Variants in CYP1A2 observed in about 807,000 individuals in gnomAD.
CYP1A2 encodes the protein cytochrome P450 1A2.
A neutral mutation model predicts 34.7 loss-of-function variants in CYP1A2; 35 were observed. That is an observed-to-expected ratio of 1.01 (90% CI 0.77 to 1.34). The LOEUF (loss-of-function observed/expected upper bound fraction) is 1.34. CYP1A2 is among the 40% of genes most tolerant of loss of function. CYP1A2 has a pLI of 0.00. For missense variants in CYP1A2, 675 were observed against 675.8 expected (o/e 1.00, Z 0.01); for synonymous variants, 288 against 281.9 (o/e 1.02, Z -0.22).
chr15:74,754,733 C>T, intron 6 of CYP1A2, 58 bp from the exon 7 acceptor site: 1 of 1,550,222 alleles, frequency 6.5e-7, no homozygotes, highest in South Asian at 1.2e-5. Flanking sequence ...CTCCCCCAGG[C>T]ACCTCCTCCC....
chr15:74,753,322 G>A (rs1392577114), intron 6 of CYP1A2, 52 bp downstream of exon 6: 38 of 1,459,710 alleles, frequency 2.6e-5, no homozygotes, highest in Non-Finnish European at 3.6e-5. Flanking sequence ...CAGTCAGGAA[G>A]GCTGTTTGTC....
Position 74,755,038 on chromosome 15 carries a change from C to T in CYP1A2, c.1501C>T (p.His501Tyr), listed in dbSNP as rs2063332079. The change falls in exon 7 of 7, where the codon CAC becomes TAC. Residue 501 changes from histidine (H) to tyrosine (Y), a missense_variant. By Grantham distance (83) the His-to-Tyr change is moderately conservative. Coordinates refer to ENST00000343932, the MANE Select transcript of CYP1A2 (RefSeq NM_000761.5). The stretch of plus-strand genomic sequence containing the variant: ...CCCCATCTACGGGCTGACCATGAAG[C>T]ACGCCCGCTGTGAACATGTCCAGGC... ...LTPIYGLTMK[H>Y]ARCEHVQARL... is the part of the protein sequence containing the mutation. 6.2e-6 allele frequency: 10 copies of T among 1,614,064 alleles called. No homozygotes were observed. The East Asian group carries it at 2.2e-4, about 36-fold the overall frequency.
chr15:74,749,595 G>A, intron 1 of CYP1A2, 135 bp from the exon 2 acceptor site: 3 of 712,836 alleles, frequency 4.2e-6, no homozygotes, highest in Non-Finnish European at 6.9e-6. Context: ...ATGGTAGATG[G>A]AGCTTAGTCT....
At chr15:74,751,927 C>T (rs1178936558) in intron 4 of CYP1A2, 73 bp downstream of exon 4, 1 of 1,549,176 alleles carries the variant, frequency 6.5e-7, no homozygotes. Flanking sequence ...TCTACAAACA[C>T]CTGTTATGTG....
chr15:74,749,862 C>T lies in CYP1A2; in HGVS notation c.124C>T (p.Pro42Ser), dbSNP rs756500317. Residue 42 changes from proline (P) to serine (S), a missense_variant, in exon 2 of 7, where the codon CCA becomes TCA. Physicochemically the swap from Pro to Ser is moderately conservative, Grantham distance 74. Transcript: ENST00000343932. ...TCGGGTCCCCAAAGGCCTGAAAAGTCCACCAGAGCCATGGGGCTGGCCCTT... is the reference window on the plus strand; with the variant it reads ...TCGGGTCCCCAAAGGCCTGAAAAGTTCACCAGAGCCATGGGGCTGGCCCTT... ...RPRVPKGLKS[P>S]PEPWGWPLLG... is the part of the protein sequence containing the mutation. The T allele has an allele frequency of 1.9e-6, 3 of 1,607,662 alleles. No homozygotes were observed. Among genetic ancestry groups the T allele is most frequent in the African/African-American group, 1.3e-5 (1 of 74,798 alleles).
At chr15:74,749,414 C>T (rs867605263) in intron 1 of CYP1A2, among the ~76,000 whole-genome samples, 1 of 152,184 alleles carries the variant, frequency 6.6e-6, no homozygotes, top group African/African-American at 2.4e-5. Context: ...GGGTGCTGTC[C>T]TTGGCTTCCC....
At position 74,751,407 on chromosome 15, in the gene CYP1A2, C is replaced by T. The variant is rs45445793; in HGVS notation, c.952+98C>T. On this transcript the variant is annotated intron_variant, in intron 3 of 6. Coordinates refer to ENST00000343932, the MANE Select transcript of CYP1A2 (RefSeq NM_000761.5). The stretch of plus-strand genomic sequence containing the variant: ...TCCATGAAATAACCCACCAACCCTA[C>T]ACCAGATGGTACAACATACTGAGAT... 1.7e-5 allele frequency: 25 copies of T among 1,515,074 alleles called. No homozygotes were observed. In the African/African-American group the frequency reaches 3.4e-4, roughly 21 times the overall value. The allele number at this position is 1,515,074 out of a possible 1,614,324, so 93.9% of individuals were successfully genotyped here. A position where few individuals can be genotyped will look rare whatever the true frequency, so the allele number is the denominator to read the frequency against.
Position 74,753,280 on chromosome 15 carries a change from T to TAC in CYP1A2, c.1253+11_1253+12dup. On this transcript the variant is annotated intron_variant, in intron 6 of 6. Coordinates refer to ENST00000343932, the MANE Select transcript of CYP1A2 (RefSeq NM_000761.5). ...AGGTCAACCATGACCCGTGAGTACA[T>TAC]ACCCCTCACGAAAAAATGTGTGCAG... The TAC allele has an allele frequency of 6.2e-7, 1 of 1,609,260 alleles. No individual in the cohort carries two copies.
intron 6 of CYP1A2, 29 bp from the exon 7 acceptor site, chr15:74,754,762 A>T: frequency 6.3e-7 from 1 of 1,594,908 alleles, no homozygotes; most frequent in South Asian, 1.1e-5. Context: ...TCCAGCCCTG[A>T]GGTCCCATCT....
intron 1 of CYP1A2, 117 bp from the exon 2 acceptor site, chr15:74,749,613 A>C: frequency 2.5e-6 from 2 of 814,218 alleles, no homozygotes; most frequent in African/African-American, 1.7e-5. Context: ...TCTTTCTGGT[A>C]TCCAGCTGGG....
rs964288984 is a variant in CYP1A2, at chr15:74,755,340, G to C, written c.*252G>C. ...GCCAAGAGCCTGAGTGACAGAGCAA[G>C]ACCCCATCTCAAAAAAAAAAACAAA... is the stretch of plus-strand genomic sequence containing the variant. On this transcript the variant is annotated 3_prime_UTR_variant, in exon 7 of 7. Coordinates refer to ENST00000343932, the MANE Select transcript of CYP1A2 (RefSeq NM_000761.5). 1.0e-5 allele frequency: 3 copies of C among 296,078 alleles called. No individual in the cohort carries two copies. The highest frequency in any genetic ancestry group is 2.5e-5 in the African/African-American group (1 of 40,156). 18.3% of individuals were successfully genotyped at this position (296,078 alleles called of 1,614,324 possible).
Position 74,755,275 on chromosome 15 carries a change from G to A in CYP1A2, c.*187G>A. 2.9e-6 allele frequency: 2 copies of A among 681,432 alleles called. No individual in the cohort carries two copies. The highest frequency in any genetic ancestry group is 4.7e-6 in the Non-Finnish European group (2 of 428,628). The allele number at this position is 681,432 out of a possible 1,614,324, so 42.2% of individuals were successfully genotyped here. On this transcript the variant is annotated 3_prime_UTR_variant, in exon 7 of 7. Coordinates refer to ENST00000343932, the MANE Select transcript of CYP1A2 (RefSeq NM_000761.5). ...AGCCCAGGAATTGGAAAGCAGCCTG[G>A]CCAACATAGTGGGACCCTGTCTCTA...
rs1204396785 is a variant in CYP1A2, at chr15:74,754,845, T to C, written c.1308T>C (p.Asp436=). ...GGCCTGAGCGGTTCCTCACCGCCGA[T>C]GGCACTGCCATTAACAAGCCCTTGA... ...EFRPERFLTA[D]GTAINKPLSE... is the part of the protein sequence containing the mutation. The change falls in exon 7 of 7, where the codon GAT becomes GAC. Residue 436 remains aspartate, a synonymous_variant. Transcript: ENST00000343932. 2 of 1,614,096 alleles carry C rather than the reference T, an allele frequency of 1.2e-6. No individual in the cohort carries two copies. Among genetic ancestry groups the C allele is most frequent in the Non-Finnish European group, 1.7e-6 (2 of 1,180,040 alleles).
rs1414676806 is a variant in CYP1A2 at position 74,751,070 on chromosome 15, G to A, written c.832-119G>A. ...TGCAAGCTGCAACCCCCTGCCTAGA[G>A]ACCAAGTTGGGAGGATAGGGGGGTA... On this transcript the variant is annotated intron_variant, in intron 2 of 6. Coordinates refer to ENST00000343932, the MANE Select transcript of CYP1A2 (RefSeq NM_000761.5). The A allele has an allele frequency of 2.1e-6, 3 of 1,410,710 alleles. No homozygotes were observed. In the African/African-American group the frequency reaches 4.3e-5, roughly 20 times the overall value. The allele number at this position is 1,410,710 out of a possible 1,614,324, so 87.4% of individuals were successfully genotyped here. A position where few individuals can be genotyped will look rare whatever the true frequency, so the allele number is the denominator to read the frequency against.
In CYP1A2 at chr15:74,751,914, C is replaced by A; in HGVS notation, c.1042+60C>A. The A allele has an allele frequency of 2.5e-6, 4 of 1,575,750 alleles. No homozygotes were observed. In the South Asian group the frequency reaches 4.5e-5, roughly 18 times the overall value. ...AGCCTTGAGACCCAGGTTGTTTGTTCAGTCTACAAACACCTGTTATGTGCC... is the reference window on the plus strand; with the variant it reads ...AGCCTTGAGACCCAGGTTGTTTGTTAAGTCTACAAACACCTGTTATGTGCC... On this transcript the variant is annotated intron_variant, in intron 4 of 6. Coordinates refer to ENST00000343932, the MANE Select transcript of CYP1A2 (RefSeq NM_000761.5).
chr15:74,754,581 A>T (rs1033298188), intron 6 of CYP1A2, among the ~76,000 whole-genome samples: 4 of 151,228 alleles, frequency 2.6e-5, no homozygotes, highest in African/African-American at 9.7e-5. Flanking sequence ...AGCCTGGGTG[A>T]TAGGAGCCGG....
intron 3 of CYP1A2, 139 bp downstream of exon 3, chr15:74,751,448 G>T: frequency 7.5e-7 from 1 of 1,338,972 alleles, no homozygotes; most frequent in Non-Finnish European, 1.0e-6. Context: ...TTGGGATCAG[G>T]GTTTGAGCCT....
chr15:74,751,109 T>C (rs927413385), intron 2 of CYP1A2, 80 bp from the exon 3 acceptor site: 28 of 1,567,640 alleles, frequency 1.8e-5, no homozygotes, highest in Non-Finnish European at 2.1e-5. Context: ...AGCCACCAGG[T>C]ACAGGCCAGG....
In CYP1A2 at chr15:74,750,204, T is replaced by A; in HGVS notation, c.466T>A (p.Ser156Thr). 6.2e-7 allele frequency: 1 copy of A among 1,614,170 alleles called. No individual in the cohort carries two copies. The highest frequency in any genetic ancestry group is 1.1e-5 in the South Asian group (1 of 91,086). The change falls in exon 2 of 7, where the codon TCA becomes ACA. Residue 156 changes from serine to threonine, a missense_variant. Coordinates refer to ENST00000343932, the MANE Select transcript of CYP1A2 (RefSeq NM_000761.5). ...TFSIASDPASSSSCYLEEHVS... is the reference protein window; with the variant it reads ...TFSIASDPASTSSCYLEEHVS... ...CTCCATCGCCTCTGACCCAGCTTCC[T>A]CATCCTCCTGCTACCTGGAGGAGCA...
Sources: allele counts gnomAD v4.1 joint callset (sites outside exome capture counted in the v4.1 genomes callset), GRCh38; gene constraint gnomAD v4.1.1; transcripts MANE v1.5; gene names NCBI Gene and HGNC (gene_info 2026-07-23, HGNC 2026-07-21).